The following RGS22 variants were observed in gnomAD, a reference collection of about 807,000 sequenced individuals.
RGS22 encodes regulator of G-protein signaling 22.
A neutral mutation model predicts 172.9 loss-of-function variants in RGS22; 148 were observed. That is an observed-to-expected ratio of 0.86 (90% CI 0.75 to 0.98). The LOEUF (loss-of-function observed/expected upper bound fraction) is 0.98, where lower values mean the gene tolerates loss of function less well. Ranked by LOEUF, RGS22 falls within the 50% of genes least tolerant of loss-of-function variation. RGS22 has a pLI of 0.00. For missense variants in RGS22, 1,347 were observed against 1,440.8 expected, an observed-to-expected ratio of 0.93 and a Z score of 1.05; for synonymous variants, 458 against 480.2, an observed-to-expected ratio of 0.95 and a Z score of 0.60.
chr8:100,062,855 T>C, intron 8 of RGS22, 103 bp from the exon 9 acceptor site: 1 of 948,924 alleles, frequency 1.1e-6, no homozygotes, highest in Non-Finnish European at 1.6e-6. Context: ...AGTTAAAGAC[T>C]TTCCTAAAAC....
chr8:100,050,978 A>G (rs1821214754), intron 10 of RGS22: 2 of 152,304 alleles, frequency 1.3e-5, no homozygotes, highest in South Asian at 4.1e-4. Context: ...AAATATAGTA[A>G]AGCAAAATAA....
At chr8:100,076,223 T>C (rs1811338016) in intron 4 of RGS22, among the ~76,000 whole-genome samples, 1 of 152,204 alleles carries the variant, frequency 6.6e-6, no homozygotes, top group Non-Finnish European at 1.5e-5. Context: ...AGTTTTGCAT[T>C]TTGATTTATC....
At chr8:99,996,316 T>A (rs928682187) in intron 20 of RGS22, 146 bp downstream of exon 20, 7 of 630,932 alleles carry the variant, frequency 1.1e-5, no homozygotes, top group Non-Finnish European at 1.7e-5. Context: ...ATTCCATTCA[T>A]CAATTAAAAA....
At chr8:100,019,095 C>T (rs1817327865) in intron 14 of RGS22, among the ~76,000 whole-genome samples, 1 of 152,104 alleles carries the variant, frequency 6.6e-6, no homozygotes, top group African/African-American at 2.4e-5. Flanking sequence ...TTCCAATTAG[C>T]ATACTGTAGA....
At position 100,033,959 on chromosome 8, in the gene RGS22, G is replaced by T. The variant is rs552004234; in HGVS notation, c.2166+4972C>A. Among the ~76,000 whole-genome samples, 8 of 152,186 alleles carry T rather than the reference G, an allele frequency of 5.3e-5. No individual in the cohort carries two copies. In the East Asian group the frequency reaches 1.5e-3, roughly 29 times the overall value. ...TCAATAAACTAGGTATTGATGGAATGTATCTCAAAACAATAAGAGCTATTT... is the reference window on the plus strand; with the variant it reads ...TCAATAAACTAGGTATTGATGGAATTTATCTCAAAACAATAAGAGCTATTT... On this transcript the variant is annotated intron_variant, in intron 14 of 27. Transcript: ENST00000360863.
chr8:100,082,992 G>T (rs1426762482), intron 3 of RGS22, among the ~76,000 whole-genome samples: 5 of 150,624 alleles, frequency 3.3e-5, no homozygotes, highest in Non-Finnish European at 7.4e-5. Flanking sequence ...AGATAACATA[G>T]TATAACCAGA....
At chr8:99,996,430 A>G (rs778904785) in intron 20 of RGS22, 32 bp downstream of exon 20, 5 of 1,574,654 alleles carry the variant, frequency 3.2e-6, no homozygotes, top group Non-Finnish European at 3.5e-6. Context: ...AGCAAAACTT[A>G]CAAGAGGAAG....
intron 22 of RGS22, among the ~76,000 whole-genome samples, chr8:99,981,719 T>C (rs1440828821): frequency 1.3e-5 from 2 of 148,160 alleles, no homozygotes; most frequent in African/African-American, 5.2e-5. Flanking sequence ...TTTACTTTTT[T>C]TTAGGTTTTT....
chr8:100,064,139 T>G, intron 7 of RGS22, 96 bp from the exon 8 acceptor site: 2 of 940,164 alleles, frequency 2.1e-6, no homozygotes, highest in Non-Finnish European at 3.0e-6. Flanking sequence ...CAAATGGGTT[T>G]ATCATAGGTA....
rs1233461056 is a variant in RGS22 at position 100,051,645 on chromosome 8, T to A, written c.1689+1157A>T. Among the ~76,000 whole-genome samples, 57 of 14,638 alleles carry A rather than the reference T, an allele frequency of 3.9e-3. 12 individuals are homozygous for A. Among genetic ancestry groups the A allele is most frequent in the Admixed American group, 0.012 (8 of 692 alleles). 9.6% of individuals were successfully genotyped at this position (14,638 alleles called of 152,430 possible). On this transcript the variant is annotated intron_variant, in intron 10 of 27. Transcript: ENST00000360863. The stretch of plus-strand genomic sequence containing the variant: ...TATATAAATATATATTTATATATGT[T>A]TATACATATATAAATATATATTTAT...
chr8:100,026,587 G>T (rs536327880), intron 14 of RGS22, among the ~76,000 whole-genome samples: 10 of 152,312 alleles, frequency 6.6e-5, no homozygotes, highest in Non-Finnish European at 1.3e-4. Context: ...GAAACAACAG[G>T]AGTCTCTCAC....
intron 20 of RGS22, among the ~76,000 whole-genome samples, chr8:99,995,659 G>T (rs1814284461): frequency 6.6e-6 from 1 of 152,214 alleles, no homozygotes. Flanking sequence ...TTACACCGTT[G>T]GTGAGAGTGT....
In RGS22 at chr8:99,987,973, A is replaced by G. The variant is rs1425739185; in HGVS notation, c.3019-354T>C. Among the ~76,000 whole-genome samples, 6 of 151,682 alleles carry G rather than the reference A, an allele frequency of 4.0e-5. No homozygotes were observed. In the South Asian group the frequency reaches 1.0e-3, roughly 26 times the overall value. On this transcript the variant is annotated intron_variant, in intron 20 of 27. Coordinates refer to ENST00000360863, the MANE Select transcript of RGS22 (RefSeq NM_015668.5). ...CATAATGTTATGATTATATGTTATT[A>G]CATTATTTATTTTATTATTACATGT...
intron 23 of RGS22, among the ~76,000 whole-genome samples, chr8:99,968,230 A>G (rs1810960571): frequency 6.6e-6 from 1 of 152,200 alleles, no homozygotes; most frequent in Non-Finnish European, 1.5e-5. Flanking sequence ...TCAAAAGGCC[A>G]TCAGCATCAA....
intron 24 of RGS22, among the ~76,000 whole-genome samples, chr8:99,963,502 T>C (rs2131072490): frequency 6.6e-6 from 1 of 152,366 alleles, no homozygotes; most frequent in South Asian, 2.1e-4. Flanking sequence ...GGATTCATTA[T>C]AATTCTTCAA....
intron 4 of RGS22, among the ~76,000 whole-genome samples, chr8:100,079,785 G>T (rs1468162553): frequency 6.6e-6 from 1 of 152,018 alleles, no homozygotes; most frequent in Non-Finnish European, 1.5e-5. Context: ...ATTCCCAACT[G>T]CTTGATAGGA....
intron 2 of RGS22, among the ~76,000 whole-genome samples, chr8:100,098,204 T>C (rs1813133845): frequency 1.3e-5 from 2 of 152,318 alleles, no homozygotes; most frequent in African/African-American, 4.8e-5. Context: ...AAAAGGGCTG[T>C]TTCCTATTTA....
rs75756273 is a variant in RGS22, at chr8:100,022,237, A to G, written c.2167-13668T>C. Among the ~76,000 whole-genome samples the G allele has an allele frequency of 9.2e-3, 1,408 of 152,330 alleles. 23 individuals are homozygous for G. Among genetic ancestry groups the G allele is most frequent in the African/African-American group, 0.032 (1,315 of 41,560 alleles). On this transcript the variant is annotated intron_variant, in intron 14 of 27. Coordinates refer to ENST00000360863, the MANE Select transcript of RGS22 (RefSeq NM_015668.5). ...TACTGCAGAGATCAACACAAGATGGACTTGTACGAAAAAAGATAATGATGA... is the reference window on the plus strand; with the variant it reads ...TACTGCAGAGATCAACACAAGATGGGCTTGTACGAAAAAAGATAATGATGA...
intron 19 of RGS22, among the ~76,000 whole-genome samples, chr8:99,998,726 C>G (rs1814661117): frequency 6.6e-6 from 1 of 152,122 alleles, no homozygotes; most frequent in Non-Finnish European, 1.5e-5. Flanking sequence ...TCATAGCTCA[C>G]TGTAACCTCG....
Sources: allele counts gnomAD v4.1 joint callset (sites outside exome capture counted in the v4.1 genomes callset), GRCh38; gene constraint gnomAD v4.1.1; transcripts MANE v1.5; gene names NCBI Gene and HGNC (gene_info 2026-07-23, HGNC 2026-07-21).